SRBD1: variants seen among roughly 807,000 people sequenced by gnomAD.
SRBD1 encodes the protein S1 RNA binding domain 1, also known as S1 RNA-binding domain-containing protein 1.
In SRBD1, 88 loss-of-function variants were observed where a neutral mutation model predicts 115.3. That is an observed-to-expected ratio of 0.76 (90% CI 0.64 to 0.91). The LOEUF is 0.91. SRBD1 is among the 40% of genes least tolerant of loss of function. The probability of loss-of-function intolerance (pLI) is 0.00; values close to 1 mark genes in which losing one functional copy is unlikely to be tolerated. For synonymous variants in SRBD1, 509 were observed against 407.7 expected, an observed-to-expected ratio of 1.25 and a Z score of -2.99; for missense variants, 1,385 against 1,177.4, an observed-to-expected ratio of 1.18 and a Z score of -2.58.
At chr2:45,412,836 TC>T (rs1031497294) in intron 19 of SRBD1, among the ~76,000 whole-genome samples, 1 of 152,174 alleles carries the variant, frequency 6.6e-6, no homozygotes, top group African/African-American at 2.4e-5. Context: ...CTTGTTAATT[TC>T]CAAAACAAAC....
chr2:45,577,408 ATG>A (rs1271926639), intron 7 of SRBD1, among the ~76,000 whole-genome samples: 2 of 152,174 alleles, frequency 1.3e-5, no homozygotes, highest in Non-Finnish European at 2.9e-5. Flanking sequence ...TTGCCTTACA[ATG>A]AAATCTTCCC....
intron 8 of SRBD1, 74 bp downstream of exon 8, chr2:45,574,553 G>C: frequency 7.3e-7 from 1 of 1,361,456 alleles, no homozygotes; most frequent in Non-Finnish European, 1.0e-6. Flanking sequence ...ATGAACATTG[G>C]TATTAGCACT....
chr2:45,454,176 A>T (rs1669083084), intron 16 of SRBD1, among the ~76,000 whole-genome samples: 1 of 151,866 alleles, frequency 6.6e-6, no homozygotes, highest in Non-Finnish European at 1.5e-5. Context: ...TATCTTGCCT[A>T]AGATTTTATT....
intron 9 of SRBD1, among the ~76,000 whole-genome samples, chr2:45,564,488 T>C (rs1008695221): frequency 2.0e-5 from 3 of 152,178 alleles, no homozygotes; most frequent in African/African-American, 4.8e-5. Flanking sequence ...AACATGATCT[T>C]ATATATAGAA....
chr2:45,496,344 T>A (rs1431067030), intron 14 of SRBD1, among the ~76,000 whole-genome samples: 3 of 152,128 alleles, frequency 2.0e-5, no homozygotes, highest in African/African-American at 7.2e-5. Context: ...ACTTTGAGAA[T>A]ATTCTAATAT....
chr2:45,410,577 G>C (rs1374515441), intron 19 of SRBD1, among the ~76,000 whole-genome samples: 1 of 152,178 alleles, frequency 6.6e-6, no homozygotes, highest in Admixed American at 6.5e-5. Context: ...TGATAGATAA[G>C]AGTGTCTTTT....
At chr2:45,578,469 G>C (rs1316958654) in intron 7 of SRBD1, among the ~76,000 whole-genome samples, 2 of 152,108 alleles carry the variant, frequency 1.3e-5, no homozygotes, top group Non-Finnish European at 2.9e-5. Flanking sequence ...TTAAGATTAA[G>C]TGTGTTTGGG....
chr2:45,605,215 T>G, intron 2 of SRBD1, 147 bp downstream of exon 2: 2 of 651,048 alleles, frequency 3.1e-6, no homozygotes, highest in Non-Finnish European at 5.3e-6. Context: ...GAACACAGCA[T>G]GAGTTCAACA....
intron 9 of SRBD1, among the ~76,000 whole-genome samples, chr2:45,571,582 A>T (rs964915386): frequency 2.6e-5 from 4 of 151,122 alleles, no homozygotes; most frequent in African/African-American, 9.7e-5. Context: ...TTACAAAACA[A>T]AGATTTTAAA....
intron 15 of SRBD1, among the ~76,000 whole-genome samples, chr2:45,485,357 C>A (rs960782569): frequency 2.6e-5 from 4 of 152,136 alleles, no homozygotes; most frequent in Non-Finnish European, 2.9e-5. Context: ...AGCTTCAAAT[C>A]TTGTTGTTGT....
chr2:45,433,338 C>G (rs988367325), intron 16 of SRBD1, among the ~76,000 whole-genome samples: 3 of 152,068 alleles, frequency 2.0e-5, no homozygotes, highest in Admixed American at 2.0e-4. Context: ...AAGAGTTAAT[C>G]ATTTCACAAT....
At chr2:45,607,214 G>A (rs1004821608) in intron 1 of SRBD1, among the ~76,000 whole-genome samples, 2 of 152,138 alleles carry the variant, frequency 1.3e-5, no homozygotes, top group African/African-American at 4.8e-5. Flanking sequence ...TTTATATTAT[G>A]TGTATCTTAC....
chr2:45,499,268 T>C (rs1032430353), intron 14 of SRBD1, among the ~76,000 whole-genome samples: 3 of 152,198 alleles, frequency 2.0e-5, no homozygotes, highest in Non-Finnish European at 4.4e-5. Flanking sequence ...ATTTCTTTAA[T>C]ATATCTAGTG....
rs1030378834 is a variant in SRBD1 at position 45,492,270 on chromosome 2, T to C, written c.1875-3939A>G. On this transcript the variant is annotated intron_variant, in intron 14 of 20. Transcript: ENST00000263736. The stretch of plus-strand genomic sequence containing the variant: ...TACAGTTTACAAGTCTTTTCTACCA[T>C]GACAGATTGTATGTTGATGAACCGT... 4.6e-5 allele frequency among the ~76,000 whole-genome samples: 7 copies of C among 152,246 alleles called. No individual in the cohort carries two copies. The South Asian group carries it at 6.2e-4, about 13-fold the overall frequency.
At chr2:45,536,707 G>C (rs778458411) in intron 14 of SRBD1, among the ~76,000 whole-genome samples, 11 of 152,090 alleles carry the variant, frequency 7.2e-5, no homozygotes, top group Non-Finnish European at 1.3e-4. Context: ...CATTTGTCCA[G>C]CTTACATATC....
chr2:45,459,083 G>C (rs912535632), intron 16 of SRBD1, among the ~76,000 whole-genome samples: 8 of 152,040 alleles, frequency 5.3e-5, no homozygotes, highest in African/African-American at 4.8e-5. Context: ...TGTTGTTGCT[G>C]CTGTGTTTGT....
intron 4 of SRBD1, among the ~76,000 whole-genome samples, chr2:45,594,206 C>A (rs1168279732): frequency 6.6e-6 from 1 of 152,272 alleles, no homozygotes; most frequent in South Asian, 2.1e-4. Context: ...TGTCTCACTT[C>A]TTTCCCCAAT....
intron 12 of SRBD1, among the ~76,000 whole-genome samples, chr2:45,548,489 C>T (rs1360080301): frequency 6.6e-6 from 1 of 151,864 alleles, no homozygotes; most frequent in Non-Finnish European, 1.5e-5. Context: ...AAATATCTTA[C>T]CAAAACAGCT....
intron 16 of SRBD1, among the ~76,000 whole-genome samples, chr2:45,438,699 G>A (rs2103700178): frequency 6.6e-6 from 1 of 152,070 alleles, no homozygotes; most frequent in Non-Finnish European, 1.5e-5. Flanking sequence ...AAGAAGGAGA[G>A]GCGAGGATGG....
Sources: gnomAD v4.1 joint callset for allele counts (sites outside exome capture counted in the v4.1 genomes callset) on GRCh38, gnomAD v4.1.1 for gene constraint, MANE v1.5 for transcripts, NCBI Gene and HGNC (gene_info 2026-07-23, HGNC 2026-07-21) for gene names.